DDX60: variants seen among roughly 807,000 people sequenced by gnomAD.
DDX60 encodes DExD/H-box helicase 60, also known as probable ATP-dependent RNA helicase DDX60.
DDX60 carries 165 observed loss-of-function variants against 212.8 expected under a neutral mutation model. That is an observed-to-expected ratio of 0.78 (90% confidence interval 0.68 to 0.88). DDX60 has a LOEUF of 0.88. Among genes scored for constraint, DDX60 ranks in the 40% least tolerant of loss-of-function variants. DDX60 has a pLI of 0.00. For missense variants in DDX60, 1,905 were observed against 2,003.9 expected (o/e 0.95, Z 0.94); for synonymous variants, 703 against 685.3 (o/e 1.03, Z -0.40).
intron 7 of DDX60, among the ~76,000 whole-genome samples, chr4:168,292,462 C>T (rs1736152520): frequency 6.6e-6 from 1 of 152,134 alleles, no homozygotes; most frequent in South Asian, 2.1e-4. Flanking sequence ...GGCTTAATCG[C>T]ATTTAAAATA....
chr4:168,220,446 A>G (rs1693570389), intron 37 of DDX60: 11 of 403,798 alleles, frequency 2.7e-5, no homozygotes, highest in Middle Eastern at 6.8e-4. Flanking sequence ...CTTCATCTCA[A>G]CTAGACATTG....
At chr4:168,280,683 A>G (rs1348649820) in intron 13 of DDX60, 93 bp from the exon 14 acceptor site, 2 of 1,363,468 alleles carry the variant, frequency 1.5e-6, no homozygotes, top group African/African-American at 2.9e-5. Flanking sequence ...TGTATTGAAG[A>G]CTTTGACCAT....
chr4:168,237,567 T>C, intron 31 of DDX60, 124 bp downstream of exon 31: 7 of 1,126,802 alleles, frequency 6.2e-6, no homozygotes, highest in Non-Finnish European at 8.6e-6. Context: ...TTTATAATTA[T>C]ACCATTTATA....
At chr4:168,309,523 A>G (rs56007226) in intron 3 of DDX60, among the ~76,000 whole-genome samples, 12,134 of 152,176 alleles carry the variant, frequency 0.08, 1,529 homozygotes, top group African/African-American at 0.27. Flanking sequence ...TTAATCTCAC[A>G]TTGAAAATAG....
rs1734671056 is a variant in DDX60, at chr4:168,262,676, T to C, written c.3144+7A>G. Reference sequence around the variant, plus strand: ...ATAATAGGATTAATTACATCATTATTATTTACCTGGGCCCGAGGCCAACTT... The same window carrying C: ...ATAATAGGATTAATTACATCATTATCATTTACCTGGGCCCGAGGCCAACTT... On this transcript the variant is annotated splice_region_variant and intron_variant, in intron 23 of 37. Coordinates refer to ENST00000393743, the MANE Select transcript of DDX60 (RefSeq NM_017631.6). 2 of 1,573,706 alleles carry C rather than the reference T, an allele frequency of 1.3e-6. No individual in the cohort carries two copies. The highest frequency in any genetic ancestry group is 2.2e-5 in the East Asian group (1 of 44,462).
At chr4:168,218,224 A>T (rs1160202739) in intron 37 of DDX60, among the ~76,000 whole-genome samples, 2 of 152,206 alleles carry the variant, frequency 1.3e-5, no homozygotes, top group African/African-American at 4.8e-5. Context: ...CAGACTTATC[A>T]TTGTGACTAC....
chr4:168,237,445 A>G lies in DDX60; in HGVS notation c.4270-18T>C, dbSNP rs771283821. On this transcript the variant is annotated intron_variant, in intron 31 of 37. Transcript: ENST00000393743. Reference sequence around the variant, plus strand: ...AAATAGCCCTAAAGAACAAAAAACAATTTATTAGTTTGACTCAAGTCACCA... The same window carrying G: ...AAATAGCCCTAAAGAACAAAAAACAGTTTATTAGTTTGACTCAAGTCACCA... 22 of 1,545,072 alleles carry G rather than the reference A, an allele frequency of 1.4e-5. No homozygotes were observed. The highest frequency in any genetic ancestry group is 9.3e-5 in the East Asian group (4 of 42,982).
intron 1 of DDX60, among the ~76,000 whole-genome samples, chr4:168,316,018 C>A (rs913684609): frequency 6.6e-6 from 1 of 151,950 alleles, no homozygotes; most frequent in Admixed American, 6.6e-5. Context: ...TTCCAAAATG[C>A]CAACTATATA....
Position 168,242,579 on chromosome 4 carries a change from G to A in DDX60, c.4164+3839C>T, listed in dbSNP as rs551628487. 5.3e-5 allele frequency among the ~76,000 whole-genome samples: 8 copies of A among 152,288 alleles called. No homozygotes were observed. In the East Asian group the frequency reaches 1.4e-3, roughly 26 times the overall value. ...ATTTTGGACTTGCATGGGGCCTGTG[G>A]TGCCTTTGATTTGGCAAATTTCTCC... On this transcript the variant is annotated intron_variant, in intron 30 of 37. Transcript: ENST00000393743.
At chr4:168,250,370 C>T (rs1217112624) in intron 28 of DDX60, among the ~76,000 whole-genome samples, 1 of 151,904 alleles carries the variant, frequency 6.6e-6, no homozygotes, top group Non-Finnish European at 1.5e-5. Flanking sequence ...GGAGAAACCC[C>T]ATCTCTACTA....
intron 22 of DDX60, among the ~76,000 whole-genome samples, chr4:168,264,666 A>G (rs1734765541): frequency 6.6e-6 from 1 of 152,228 alleles, no homozygotes; most frequent in Non-Finnish European, 1.5e-5. Context: ...GAATTATATT[A>G]GATAACATAT....
chr4:168,267,658 T>G lies in DDX60; in HGVS notation c.2963A>C (p.Lys988Thr), dbSNP rs1233891035. ...ACCATGTTTTATTGAACATACATGC[T>G]TCTCTAGATCATTATACCTCTCTCC... ...LYGERYNDLE[K>T]HVCSIKHGDI... Residue 988 changes from lysine to threonine, a missense_variant, in exon 22 of 38, where the codon AAG (lysine) becomes ACG (threonine). By Grantham distance (78) the Lys-to-Thr change is moderately conservative. Transcript: ENST00000393743. The G allele has an allele frequency of 1.2e-6, 2 of 1,604,034 alleles. No homozygotes were observed. The highest frequency in any genetic ancestry group is 3.4e-4 in the Middle Eastern group (2 of 5,872).
intron 1 of DDX60, among the ~76,000 whole-genome samples, chr4:168,317,882 T>C (rs1056090955): frequency 2.0e-5 from 3 of 152,104 alleles, no homozygotes; most frequent in Admixed American, 2.0e-4. Context: ...GCAGGTAACC[T>C]CAGTCCTTTA....
rs1734257361 is a variant in DDX60, at chr4:168,252,539, T to C, written c.3675A>G (p.Thr1225=). 1 of 1,613,920 alleles carries C rather than the reference T, an allele frequency of 6.2e-7. No individual in the cohort carries two copies. Among genetic ancestry groups the C allele is most frequent in the African/African-American group, 1.3e-5 (1 of 74,942 alleles). The change falls in exon 27 of 38, where the codon ACA becomes ACG. Residue 1225 remains threonine (T), a synonymous_variant. Coordinates refer to ENST00000393743, the MANE Select transcript of DDX60 (RefSeq NM_017631.6). ...TGTCCACTGCTTTTTGATCAGCATATGTGCAGTCCTGTGGGATTTCCAGGT... is the reference window on the plus strand; with the variant it reads ...TGTCCACTGCTTTTTGATCAGCATACGTGCAGTCCTGTGGGATTTCCAGGT... The part of the protein sequence containing the change: ...EKNLEIPQDC[T]YADQKAVDTE...
Position 168,280,220 on chromosome 4 carries a change from A to G in DDX60, c.1978+115T>C, listed in dbSNP as rs192027757. 206 of 1,302,296 alleles carry G rather than the reference A, an allele frequency of 1.6e-4. 1 individual carries two copies. The highest frequency in any genetic ancestry group is 1.4e-3 in the Admixed American group (63 of 43,870). The allele number at this position is 1,302,296 out of a possible 1,614,324, so 80.7% of individuals were successfully genotyped here. On this transcript the variant is annotated intron_variant, in intron 14 of 37. Transcript: ENST00000393743. ...TTGTAAAGGTAATAATGTATAAAGT[A>G]AGATAGGGCATGTAAGTCTTCTAAT...
intron 25 of DDX60, among the ~76,000 whole-genome samples, chr4:168,259,467 A>G (rs1405388013): frequency 6.6e-6 from 1 of 152,150 alleles, no homozygotes; most frequent in South Asian, 2.1e-4. Flanking sequence ...AAATTTGCAA[A>G]CACAATCTTA....
chr4:168,306,259 G>C (rs1480094229), intron 5 of DDX60, 120 bp downstream of exon 5: 1 of 616,632 alleles, frequency 1.6e-6, no homozygotes, highest in Non-Finnish European at 2.8e-6. Flanking sequence ...ATTATTAATT[G>C]TTATACCTAT....
At position 168,288,082 on chromosome 4, in the gene DDX60, T is replaced by A. The variant is rs1479689820; in HGVS notation, c.1183+92A>T. 3.6e-6 allele frequency: 3 copies of A among 835,684 alleles called. No individual in the cohort carries two copies. In the African/African-American group the frequency reaches 5.4e-5, roughly 15 times the overall value. The allele number at this position is 835,684 out of a possible 1,614,324, so 51.8% of individuals were successfully genotyped here. A position where few individuals can be genotyped will look rare whatever the true frequency, so the allele number is the denominator to read the frequency against. ...ATGAAAATAATTGCTATGTTATATGTTGGAAGTACAGAAAAATTATTTTGT... is the reference window on the plus strand; with the variant it reads ...ATGAAAATAATTGCTATGTTATATGATGGAAGTACAGAAAAATTATTTTGT... On this transcript the variant is annotated intron_variant, in intron 9 of 37. Coordinates refer to ENST00000393743, the MANE Select transcript of DDX60 (RefSeq NM_017631.6).
At chr4:168,302,992 A>C (rs749091362) in intron 5 of DDX60, among the ~76,000 whole-genome samples, 1 of 152,088 alleles carries the variant, frequency 6.6e-6, no homozygotes, top group Non-Finnish European at 1.5e-5. Flanking sequence ...TTTTAACAAA[A>C]ATAAAATCCT....
Sources: allele counts gnomAD v4.1 joint callset (sites outside exome capture counted in the v4.1 genomes callset), GRCh38; gene constraint gnomAD v4.1.1; transcripts MANE v1.5; gene names NCBI Gene and HGNC (gene_info 2026-07-23, HGNC 2026-07-21).